Variants in ACADSB observed in about 807,000 individuals in gnomAD.
ACADSB encodes acyl-CoA dehydrogenase short/branched chain, also known as short/branched chain specific acyl-CoA dehydrogenase, mitochondrial.
ACADSB carries 40 observed loss-of-function variants against 54.1 expected under a neutral mutation model. That is an observed-to-expected ratio of 0.74 (90% CI 0.57 to 0.96). The LOEUF is 0.96. Ranked by LOEUF, ACADSB falls within the 40% of genes least tolerant of loss-of-function variation. ACADSB has a pLI of 0.00. For missense variants in ACADSB, 530 were observed against 510.4 expected, an observed-to-expected ratio of 1.04 and a Z score of -0.37; for synonymous variants, 182 against 182.8, an observed-to-expected ratio of 1.00 and a Z score of 0.03.
chr10:123,053,225 T>C, intron 10 of ACADSB, 65 bp downstream of exon 10: 1 of 1,360,198 alleles, frequency 7.4e-7, no homozygotes, highest in Non-Finnish European at 1.0e-6. Flanking sequence ...ATTTTGGCTG[T>C]TTTATTTGTC....
At chr10:123,034,931 T>TTTTC (rs895662807) in intron 2 of ACADSB, among the ~76,000 whole-genome samples, 4 of 150,836 alleles carry the variant, frequency 2.7e-5, no homozygotes, top group Middle Eastern at 3.4e-3. Context: ...TGGGTTTTCT[T>TTTTC]TTTCTTTCTT....
Position 123,011,527 on chromosome 10 carries a change from C to CTT in ACADSB, c.42+2472_42+2473dup, listed in dbSNP as rs35312878. On this transcript the variant is annotated intron_variant, in intron 1 of 10. Transcript: ENST00000358776. Reference sequence around the variant, plus strand: ...AAAGCATTTTAATGTAGCTTGATATCTTTTTTTTTTTTTTTTTGAGACGGA... The same window carrying CTT: ...AAAGCATTTTAATGTAGCTTGATATCTTTTTTTTTTTTTTTTTTTGAGACGGA... 5.0e-3 allele frequency among the ~76,000 whole-genome samples: 691 copies of CTT among 139,350 alleles called. 5 individuals carry two copies. The highest frequency in any genetic ancestry group is 0.014 in the African/African-American group (546 of 37,714). 91.4% of individuals were successfully genotyped at this position (139,350 alleles called of 152,430 possible).
rs1010703127 is a variant in ACADSB at position 123,053,224 on chromosome 10, G to A, written c.1228+64G>A. On this transcript the variant is annotated intron_variant, in intron 10 of 10. Transcript: ENST00000358776. ...ATTTGCCTCTGTAGGTATTTTGGCTGTTTTATTTGTCGTTTTTTTCCTAGG... is the reference window on the plus strand; with the variant it reads ...ATTTGCCTCTGTAGGTATTTTGGCTATTTTATTTGTCGTTTTTTTCCTAGG... 1.2e-5 allele frequency: 16 copies of A among 1,356,706 alleles called. No homozygotes were observed. In the African/African-American group the frequency reaches 1.5e-4, roughly 12 times the overall value. 84.0% of individuals were successfully genotyped at this position (1,356,706 alleles called of 1,614,324 possible). A position where few individuals can be genotyped will look rare whatever the true frequency, so the allele number is the denominator to read the frequency against.
intron 7 of ACADSB, among the ~76,000 whole-genome samples, chr10:123,046,465 C>T (rs889037966): frequency 6.6e-6 from 1 of 152,124 alleles, no homozygotes; most frequent in African/African-American, 2.4e-5. Flanking sequence ...ATTGTCACCA[C>T]GTCCTGTGTA....
At chr10:123,049,771 A>T (rs537305745) in intron 8 of ACADSB, among the ~76,000 whole-genome samples, 3 of 152,254 alleles carry the variant, frequency 2.0e-5, no homozygotes, top group Non-Finnish European at 4.4e-5. Flanking sequence ...TAGATGTCAG[A>T]TGTAAAGACG....
chr10:123,050,229 TTCA>T (rs1364329046), intron 8 of ACADSB, among the ~76,000 whole-genome samples: 7 of 152,236 alleles, frequency 4.6e-5, no homozygotes, highest in African/African-American at 1.7e-4. Flanking sequence ...TGTCTTAATA[TTCA>T]TCACACATTA....
rs34221067 is a variant in ACADSB, at chr10:123,034,481, A to G, written c.168A>G (p.Thr56=). The change falls in exon 2 of 11, where the codon ACA becomes ACG. Residue 56 remains threonine, a synonymous_variant. Transcript: ENST00000358776. The part of the protein sequence containing the change: ...NNGIHFAPLQ[T]FTDEEMMIKS... Reference sequence around the variant, plus strand: ...GAATACACTTTGCTCCCCTGCAAACATTTACAGATGAGGAAATGATGATAA... The same window carrying G: ...GAATACACTTTGCTCCCCTGCAAACGTTTACAGATGAGGAAATGATGATAA... The G allele has an allele frequency of 3.2e-3, 5,113 of 1,611,742 alleles. 117 individuals are homozygous for G. In the African/African-American group the frequency reaches 0.055, roughly 17 times the overall value.
intron 1 of ACADSB, among the ~76,000 whole-genome samples, chr10:123,029,678 A>G (rs1850302399): frequency 1.3e-5 from 2 of 152,238 alleles, no homozygotes; most frequent in Admixed American, 6.5e-5. Context: ...GCATCAATAT[A>G]TGACAATTTA....
rs4359143 is a variant in ACADSB, at chr10:123,043,484, C to T, written c.807+313C>T. On this transcript the variant is annotated intron_variant, in intron 6 of 10. Coordinates refer to ENST00000358776, the MANE Select transcript of ACADSB (RefSeq NM_001609.4). ...TTGAGACTTGTGAACCAAATGGGGC[C>T]GCAGAGAAGGAAGTCTGGTGTCAGT... Among the ~76,000 whole-genome samples the T allele has an allele frequency of 0.98, 149,827 of 152,350 alleles. 73,728 individuals are homozygous for T. Among genetic ancestry groups the T allele is most frequent in the Middle Eastern group, 1 (294 of 294 alleles).
At chr10:123,028,526 GGT>G (rs1451785290) in intron 1 of ACADSB, among the ~76,000 whole-genome samples, 1 of 151,904 alleles carries the variant, frequency 6.6e-6, no homozygotes, top group East Asian at 1.9e-4. Context: ...ATCTGGGTGT[GGT>G]GTCGCACACC....
intron 8 of ACADSB, among the ~76,000 whole-genome samples, chr10:123,048,644 A>G (rs1850591202): frequency 6.6e-6 from 1 of 152,198 alleles, no homozygotes; most frequent in Non-Finnish European, 1.5e-5. Flanking sequence ...AGGTATAATC[A>G]TAATGACATC....
At chr10:123,030,787 T>C (rs1237059495) in intron 1 of ACADSB, among the ~76,000 whole-genome samples, 1 of 152,120 alleles carries the variant, frequency 6.6e-6, no homozygotes, top group African/African-American at 2.4e-5. Flanking sequence ...CAAATGAGCC[T>C]TTACCAGAAC....
chr10:123,045,150 TATATATATATATATATATA>T (rs1223348497), intron 7 of ACADSB, among the ~76,000 whole-genome samples: 229 of 11,996 alleles, frequency 0.019, 22 homozygotes, highest in African/African-American at 0.051. Flanking sequence ...TATATATATA[TATATATATATATATATATA>T]TATTTTTTTT....
intron 9 of ACADSB, among the ~76,000 whole-genome samples, chr10:123,051,500 T>C (rs549335389): frequency 2.0e-5 from 3 of 152,256 alleles, no homozygotes; most frequent in African/African-American, 7.2e-5. Flanking sequence ...CCAGCTCAGA[T>C]AGACCACCCA....
chr10:123,052,614 C>T lies in ACADSB; in HGVS notation c.1129-447C>T, dbSNP rs1311030036. 4 of 232,306 alleles carry T rather than the reference C, an allele frequency of 1.7e-5. No homozygotes were observed. The East Asian group carries it at 4.3e-4, about 25-fold the overall frequency. The allele number at this position is 232,306 out of a possible 1,614,324, so 14.4% of individuals were successfully genotyped here. A position where few individuals can be genotyped will look rare whatever the true frequency, so the allele number is the denominator to read the frequency against. ...CTAGGATGTGGACGTCCTTGAGGGG[C>T]CATTCTGCAGGGTCTCTCGCTCCTC... On this transcript the variant is annotated intron_variant, in intron 9 of 10. Coordinates refer to ENST00000358776, the MANE Select transcript of ACADSB (RefSeq NM_001609.4). The surrounding 1 kb of genome is among the most constrained non-coding windows in gnomAD (Gnocchi z 4.2).
chr10:123,034,368 T>C lies in ACADSB; in HGVS notation c.55T>C (p.Phe19Leu). The change falls in exon 2 of 11, where the codon TTC becomes CTC. Residue 19 changes from phenylalanine to leucine, a missense_variant. Transcript: ENST00000358776. ...LRGSRLLRRN[F>L]LTCLSSWKIP... ...ATGTTCCCTACAGCTAAGAAGAAAT[T>C]TCCTGACTTGTTTGTCTTCTTGGAA... 6.2e-7 allele frequency: 1 copy of C among 1,613,804 alleles called. No individual in the cohort carries two copies. Among genetic ancestry groups the C allele is most frequent in the Non-Finnish European group, 8.5e-7 (1 of 1,179,978 alleles).
chr10:123,043,156 A>T lies in ACADSB; in HGVS notation c.792A>T (p.Thr264=). The change falls in exon 6 of 11, where the codon ACA becomes ACT. Residue 264 remains threonine, a synonymous_variant. Transcript: ENST00000358776. The stretch of plus-strand genomic sequence containing the variant: ...GAGCTTCTTCCACCTGCCCGTTAAC[A>T]TTCGAAAATGTCAAGGTGGGTATCG... ...GLRASSTCPL[T]FENVKVPEAN... 6.2e-7 allele frequency: 1 copy of T among 1,613,948 alleles called. No individual in the cohort carries two copies. Among genetic ancestry groups the T allele is most frequent in the Non-Finnish European group, 8.5e-7 (1 of 1,179,854 alleles).
intron 4 of ACADSB, 21 bp from the exon 5 acceptor site, chr10:123,041,188 A>AT: frequency 1.2e-6 from 2 of 1,613,216 alleles, no homozygotes; most frequent in Non-Finnish European, 1.7e-6. Flanking sequence ...TAATTTGGAC[A>AT]TTTTTTTCTC....
chr10:123,038,564 C>T (rs773194168), intron 3 of ACADSB, among the ~76,000 whole-genome samples: 2 of 152,138 alleles, frequency 1.3e-5, no homozygotes, highest in Non-Finnish European at 2.9e-5. Context: ...TTTCTCACTT[C>T]CGCAGAGGTA....
Sources: allele counts gnomAD v4.1 joint callset (sites outside exome capture counted in the v4.1 genomes callset), GRCh38; gene constraint gnomAD v4.1.1; non-coding constraint Gnocchi (gnomAD v3.1); transcripts MANE v1.5; gene names NCBI Gene and HGNC (gene_info 2026-07-23, HGNC 2026-07-21).